ANK2: variants seen among roughly 807,000 people sequenced by gnomAD.
ANK2 encodes the protein ankyrin 2, also known as ankyrin-2.
A neutral mutation model predicts 360.5 loss-of-function variants in ANK2; 83 were observed. That is an observed-to-expected ratio of 0.23 (90% CI 0.19 to 0.28). The LOEUF (loss-of-function observed/expected upper bound fraction) is 0.28. Among genes scored for constraint, ANK2 ranks in the 10% least tolerant of loss-of-function variants. ANK2 has a pLI of 1.00. For synonymous variants in ANK2, 1,740 were observed against 1,759.5 expected (o/e 0.99, Z 0.28); for missense variants, 4,201 against 4,795.7 (o/e 0.88, Z 3.66).
intron 1 of ANK2, among the ~76,000 whole-genome samples, chr4:112,828,979 C>T (rs1447324452): frequency 6.6e-6 from 1 of 152,080 alleles, no homozygotes; most frequent in African/African-American, 2.4e-5. Flanking sequence ...TGTGGTGAAA[C>T]CCTGTCTCTA....
chr4:113,076,099 TAA>T (rs2079829934), intron 1 of ANK2, among the ~76,000 whole-genome samples: 1 of 152,226 alleles, frequency 6.6e-6, no homozygotes, highest in African/African-American at 2.4e-5. Context: ...CACATTGCTT[TAA>T]GACAGGGGTA....
At chr4:112,836,444 A>T (rs2061009541) in intron 1 of ANK2, among the ~76,000 whole-genome samples, 1 of 152,224 alleles carries the variant, frequency 6.6e-6, no homozygotes, top group Non-Finnish European at 1.5e-5. Flanking sequence ...ATAACCTGAA[A>T]ATGTGGATGT....
chr4:112,712,617 C>A, the ANK2 span, among the ~76,000 whole-genome samples: 3 of 151,126 alleles, frequency 2.0e-5, no homozygotes, highest in Non-Finnish European at 4.4e-5. Flanking sequence ...CCGTGTTAGC[C>A]AGGATGGTCT....
chr4:113,146,549 C>T (rs749503900), intron 1 of ANK2, among the ~76,000 whole-genome samples: 11 of 151,950 alleles, frequency 7.2e-5, no homozygotes, highest in South Asian at 4.2e-4. Flanking sequence ...AAGGCTTAAA[C>T]GTTAAGCAAT....
the ANK2 span, among the ~76,000 whole-genome samples, chr4:112,808,412 G>C: frequency 6.6e-6 from 1 of 152,214 alleles, no homozygotes; most frequent in South Asian, 2.1e-4. Flanking sequence ...CAAATATTAT[G>C]TCACTCCAGA....
intron 1 of ANK2, among the ~76,000 whole-genome samples, chr4:113,171,453 C>T (rs182470137): frequency 6.6e-6 from 1 of 152,164 alleles, no homozygotes; most frequent in African/African-American, 2.4e-5. Context: ...TTTAAAACCT[C>T]ATTTTATTTC....
intron 28 of ANK2, 28 bp from the exon 29 acceptor site, chr4:113,333,026 C>T (rs2153941522): frequency 6.2e-7 from 1 of 1,614,068 alleles, no homozygotes; most frequent in Non-Finnish European, 8.5e-7. Context: ...CTCCTGTCCA[C>T]ACTGAATGTT....
intron 2 of ANK2, among the ~76,000 whole-genome samples, chr4:113,181,964 C>T (rs181391918): frequency 6.0e-5 from 9 of 149,198 alleles, no homozygotes; most frequent in East Asian, 2.0e-4. Context: ...CATACGCTGA[C>T]GAGTCTTAAT....
At chr4:112,757,838 A>C in the ANK2 span, among the ~76,000 whole-genome samples, 1 of 152,206 alleles carries the variant, frequency 6.6e-6, no homozygotes, top group Non-Finnish European at 1.5e-5. Flanking sequence ...AAAGGAGAAA[A>C]ATGTAAAAGC....
intron 1 of ANK2, among the ~76,000 whole-genome samples, chr4:113,074,639 A>G (rs1236455026): frequency 6.6e-6 from 1 of 152,194 alleles, no homozygotes; most frequent in African/African-American, 2.4e-5. Flanking sequence ...TGAAGGAAGT[A>G]ATATTTAAGT....
the ANK2 span, among the ~76,000 whole-genome samples, chr4:112,720,583 C>G: frequency 6.6e-6 from 1 of 152,140 alleles, no homozygotes; most frequent in East Asian, 1.9e-4. Flanking sequence ...ATAAATTTCC[C>G]TAATTGCTAC....
chr4:113,055,475 G>T (rs184041520), intron 1 of ANK2, among the ~76,000 whole-genome samples: 1 of 152,300 alleles, frequency 6.6e-6, no homozygotes, highest in Admixed American at 6.5e-5. Flanking sequence ...CAGTCATGAA[G>T]TTGAGTTATC....
At chr4:113,008,420 A>G (rs1181919043) in intron 2 of ANK2, among the ~76,000 whole-genome samples, 1 of 152,204 alleles carries the variant, frequency 6.6e-6, no homozygotes, top group African/African-American at 2.4e-5. Context: ...GGTTTTCCAC[A>G]GGCAATTTAA....
chr4:112,749,979 C>G, the ANK2 span, among the ~76,000 whole-genome samples: 1 of 152,096 alleles, frequency 6.6e-6, no homozygotes, highest in East Asian at 1.9e-4. Flanking sequence ...CTCCTGACCC[C>G]GTGATCCGCC....
intron 2 of ANK2, among the ~76,000 whole-genome samples, chr4:112,973,404 G>A (rs1451958503): frequency 1.3e-5 from 2 of 152,200 alleles, no homozygotes; most frequent in African/African-American, 2.4e-5. Flanking sequence ...TGCTCAAGAT[G>A]TTCGTGTATG....
chr4:113,080,178 C>T (rs2081821905), intron 1 of ANK2, among the ~76,000 whole-genome samples: 1 of 152,154 alleles, frequency 6.6e-6, no homozygotes, highest in Non-Finnish European at 1.5e-5. Context: ...GGATTACAGA[C>T]GTCAGTCGCC....
chr4:112,975,641 A>G (rs1263596424), intron 2 of ANK2, among the ~76,000 whole-genome samples: 1 of 152,220 alleles, frequency 6.6e-6, no homozygotes, highest in Non-Finnish European at 1.5e-5. Context: ...TATTTCTTCT[A>G]TAAATAAGAT....
intron 2 of ANK2, among the ~76,000 whole-genome samples, chr4:112,986,136 A>C: frequency 6.8e-6 from 1 of 147,606 alleles, no homozygotes. Flanking sequence ...GGTTCATAGA[A>C]TCAGAGAATT....
intron 2 of ANK2, among the ~76,000 whole-genome samples, chr4:113,182,152 A>G (rs2098430171): frequency 6.6e-6 from 1 of 152,168 alleles, no homozygotes; most frequent in African/African-American, 2.4e-5. Context: ...TTAATGTAGG[A>G]TGAAGGCAAA....
Sources: allele counts gnomAD v4.1 joint callset (sites outside exome capture counted in the v4.1 genomes callset), GRCh38; gene constraint gnomAD v4.1.1; transcripts MANE v1.5; gene names NCBI Gene and HGNC (gene_info 2026-07-23, HGNC 2026-07-21).